The following RNF13 variants were observed in gnomAD, a reference collection of about 807,000 sequenced individuals.
RNF13 encodes the protein ring finger protein 13, also known as E3 ubiquitin-protein ligase RNF13.
RNF13 carries 19 observed loss-of-function variants against 37.7 expected under a neutral mutation model. The observed-to-expected ratio is 0.50, with a 90% CI of 0.35 to 0.74. RNF13 has a LOEUF of 0.74. Ranked by LOEUF, RNF13 falls within the 30% of genes least tolerant of loss-of-function variation. RNF13 has a pLI of 0.01. For missense variants in RNF13, 375 were observed against 453.0 expected (o/e 0.83, Z 1.56); for synonymous variants, 144 against 157.8 (o/e 0.91, Z 0.65).
intron 8 of RNF13, among the ~76,000 whole-genome samples, chr3:149,942,357 A>G (rs910467182): frequency 1.3e-5 from 2 of 152,086 alleles, no homozygotes; most frequent in African/African-American, 4.8e-5. Context: ...ATTTATTTCT[A>G]TCTTCTTTGA....
At chr3:149,959,434 C>T (rs987471900) in intron 8 of RNF13, among the ~76,000 whole-genome samples, 14 of 152,186 alleles carry the variant, frequency 9.2e-5, no homozygotes, top group African/African-American at 2.7e-4. Context: ...ATAAATTCCA[C>T]AGTAAGACAA....
rs559998416 is a variant in RNF13, at chr3:149,885,171, A to G, written c.322-10302A>G. ...TGTTTCCAAGTCTTGGCTATTGTGA[A>G]CAGTGCTGCAACAAACATGGGAGCT... On this transcript the variant is annotated intron_variant, in intron 4 of 9. Coordinates refer to ENST00000392894, the MANE Select transcript of RNF13 (RefSeq NM_183381.3). Among the ~76,000 whole-genome samples the G allele has an allele frequency of 2.0e-5, 3 of 152,264 alleles. No homozygotes were observed. The South Asian group carries it at 6.2e-4, about 32-fold the overall frequency.
chr3:149,960,754 TG>T lies in RNF13; in HGVS notation c.797del (p.Cys266LeufsTer2). 6.2e-7 allele frequency: 1 copy of T among 1,608,196 alleles called. No individual in the cohort carries two copies. Among genetic ancestry groups the T allele is most frequent in the Non-Finnish European group, 8.5e-7 (1 of 1,177,990 alleles). ...LPCSHAYHCK[C>X]VDPWLTKTKK... The stretch of plus-strand genomic sequence containing the variant: ...TGCTTCAACAGCTTATCACTGCAAG[TG>T]TGTAGACCCTTGGCTAACTAAAACC... On this transcript the variant is annotated frameshift_variant, in exon 10 of 10. Transcript: ENST00000392894. LOFTEE classifies it high-confidence loss of function.
chr3:149,836,877 A>G (rs1721679320), intron 1 of RNF13, among the ~76,000 whole-genome samples: 1 of 152,240 alleles, frequency 6.6e-6, no homozygotes, highest in African/African-American at 2.4e-5. Context: ...GCTAAGTGAA[A>G]TAAGCTAGTC....
chr3:149,951,214 C>T (rs1056703218), intron 8 of RNF13, among the ~76,000 whole-genome samples: 70 of 152,226 alleles, frequency 4.6e-4, no homozygotes, highest in African/African-American at 1.7e-3. Flanking sequence ...TGGTGGTTTT[C>T]TACTCAGGGT....
chr3:149,868,634 CCTTT>C (rs1711612995), intron 3 of RNF13, among the ~76,000 whole-genome samples: 1 of 150,824 alleles, frequency 6.6e-6, no homozygotes, highest in East Asian at 1.9e-4. Context: ...TCTGTTCTTT[CCTTT>C]CTTTCTCTCT....
chr3:149,822,797 G>A (rs1023380714), intron 1 of RNF13, among the ~76,000 whole-genome samples: 14 of 151,988 alleles, frequency 9.2e-5, no homozygotes, highest in African/African-American at 3.4e-4. Context: ...ACTTAATTTT[G>A]ATGTTACACA....
At chr3:149,851,836 A>G (rs562881883) in intron 2 of RNF13, among the ~76,000 whole-genome samples, 2 of 152,270 alleles carry the variant, frequency 1.3e-5, no homozygotes, top group South Asian at 4.1e-4. Flanking sequence ...CTCATCTCAC[A>G]ATTATTATCA....
intron 8 of RNF13, among the ~76,000 whole-genome samples, chr3:149,940,052 A>G (rs1289315057): frequency 6.6e-6 from 1 of 152,102 alleles, no homozygotes; most frequent in African/African-American, 2.4e-5. Context: ...TATTATATTT[A>G]TCATTGTTCT....
At chr3:149,860,281 A>ATATATG (rs1360225694) in intron 3 of RNF13, among the ~76,000 whole-genome samples, 1 of 138,270 alleles carries the variant, frequency 7.2e-6, no homozygotes, top group African/African-American at 2.6e-5. Flanking sequence ...ATATATATAT[A>ATATATG]TATATATATA....
At chr3:149,955,740 A>C (rs748067196) in intron 8 of RNF13, among the ~76,000 whole-genome samples, 1 of 152,154 alleles carries the variant, frequency 6.6e-6, no homozygotes, top group Non-Finnish European at 1.5e-5. Flanking sequence ...AGTGAAATCT[A>C]TATGTATTTA....
intron 7 of RNF13, among the ~76,000 whole-genome samples, chr3:149,914,228 A>G (rs1456177527): frequency 6.6e-6 from 1 of 151,976 alleles, no homozygotes; most frequent in Non-Finnish European, 1.5e-5. Context: ...ATCTTGTACT[A>G]TAAGATGCTT....
intron 5 of RNF13, among the ~76,000 whole-genome samples, chr3:149,900,121 T>C (rs1212184121): frequency 6.6e-6 from 1 of 152,214 alleles, no homozygotes; most frequent in Non-Finnish European, 1.5e-5. Context: ...CTTACAATAT[T>C]TTCTCCCTTT....
At chr3:149,911,521 T>C (rs1716995389) in intron 6 of RNF13, among the ~76,000 whole-genome samples, 1 of 152,074 alleles carries the variant, frequency 6.6e-6, no homozygotes, top group Non-Finnish European at 1.5e-5. Flanking sequence ...TAGCAGGGTA[T>C]GGTGGCAGGC....
intron 8 of RNF13, among the ~76,000 whole-genome samples, chr3:149,936,761 C>T (rs1036608056): frequency 6.6e-6 from 1 of 151,984 alleles, no homozygotes; most frequent in Non-Finnish European, 1.5e-5. Flanking sequence ...TCGTGGTTCC[C>T]TGTTTGATGT....
intron 4 of RNF13, among the ~76,000 whole-genome samples, chr3:149,875,471 T>C (rs1244975038): frequency 6.6e-6 from 1 of 152,164 alleles, no homozygotes; most frequent in East Asian, 1.9e-4. Flanking sequence ...GTGGAATGTA[T>C]GTTATAATTT....
chr3:149,832,621 G>T (rs368275225), intron 1 of RNF13, among the ~76,000 whole-genome samples: 1 of 152,034 alleles, frequency 6.6e-6, no homozygotes, highest in Non-Finnish European at 1.5e-5. Context: ...AAAAATCTAT[G>T]AAATTAACAA....
intron 1 of RNF13, among the ~76,000 whole-genome samples, chr3:149,845,183 T>C (rs1722529068): frequency 6.6e-6 from 1 of 152,294 alleles, no homozygotes; most frequent in South Asian, 2.1e-4. Flanking sequence ...AGAGCACTTA[T>C]CCACACTAAT....
rs1172574709 is a variant in RNF13, at chr3:149,889,894, G to A, written c.322-5579G>A. 4.0e-5 allele frequency among the ~76,000 whole-genome samples: 6 copies of A among 150,576 alleles called. No individual in the cohort carries two copies. In the East Asian group the frequency reaches 6.0e-4, roughly 15 times the overall value. On this transcript the variant is annotated intron_variant, in intron 4 of 9. Coordinates refer to ENST00000392894, the MANE Select transcript of RNF13 (RefSeq NM_183381.3). Reference sequence around the variant, plus strand: ...AGTCCCGAATTTCTTGGCCAGACTGGTCGAACTCCTGACCTCGTGATCTGC... The same window carrying A: ...AGTCCCGAATTTCTTGGCCAGACTGATCGAACTCCTGACCTCGTGATCTGC...
Sources: gnomAD v4.1 joint callset for allele counts (sites outside exome capture counted in the v4.1 genomes callset) on GRCh38, gnomAD v4.1.1 for gene constraint, MANE v1.5 for transcripts, NCBI Gene and HGNC (gene_info 2026-07-23, HGNC 2026-07-21) for gene names.